FHIT: variants seen among roughly 807,000 people sequenced by gnomAD.
FHIT encodes the protein bis(5'-adenosyl)-triphosphatase.
In FHIT, 19 loss-of-function variants were observed where a neutral mutation model predicts 17.9. The observed-to-expected ratio is 1.06, with a 90% CI of 0.74 to 1.56. The LOEUF is 1.56. Ranked by LOEUF, FHIT falls within the 40% of genes most tolerant of loss-of-function variation. The pLI, the probability that FHIT is intolerant of heterozygous loss-of-function variation, is 0.00. For synonymous variants in FHIT, 81 were observed against 69.7 expected, an observed-to-expected ratio of 1.16 and a Z score of -0.81; for missense variants, 248 against 189.2, an observed-to-expected ratio of 1.31 and a Z score of -1.82.
chr3:59,898,442 TTGTGTGTGTGTG>T (rs3075168), intron 8 of FHIT, among the ~76,000 whole-genome samples: 16,322 of 145,914 alleles, frequency 0.11, 1,100 homozygotes, highest in African/African-American at 0.19. Flanking sequence ...GTGTGTATGT[TTGTGTGTGTGTG>T]TGTGTGTGTG....
Position 61,102,426 on chromosome 3 carries a change from C to T in FHIT, c.-163-60327G>A, listed in dbSNP as rs570921126. Among the ~76,000 whole-genome samples, 3 of 152,226 alleles carry T rather than the reference C, an allele frequency of 2.0e-5. No homozygotes were observed. The East Asian group carries it at 5.8e-4, about 29-fold the overall frequency. Reference sequence around the variant, plus strand: ...AGCCGACTTGATCATGGTGGATAGGCTTTTTGATGTGTTGATGGATTTGGT... The same window carrying T: ...AGCCGACTTGATCATGGTGGATAGGTTTTTTGATGTGTTGATGGATTTGGT... On this transcript the variant is annotated intron_variant, in intron 2 of 9. Coordinates refer to ENST00000492590, the MANE Select transcript of FHIT (RefSeq NM_002012.4).
At chr3:59,805,532 C>G (rs1274281922) in intron 8 of FHIT, among the ~76,000 whole-genome samples, 1 of 152,148 alleles carries the variant, frequency 6.6e-6, no homozygotes. Context: ...AGAGAAGAAT[C>G]TGAACAAAAC....
rs1575762730 is a variant in FHIT at position 60,963,497 on chromosome 3, G to C, written c.-111+78550C>G. ...CCTTTGAATGTGTTTGCTCTTGCTT[G>C]TCTAGTTCTTTTAATTGTGATGTTA... On this transcript the variant is annotated intron_variant, in intron 3 of 9. Coordinates refer to ENST00000492590, the MANE Select transcript of FHIT (RefSeq NM_002012.4). Among the ~76,000 whole-genome samples, 3 of 151,316 alleles carry C rather than the reference G, an allele frequency of 2.0e-5. No homozygotes were observed. In the South Asian group the frequency reaches 6.3e-4, roughly 32 times the overall value.
intron 2 of FHIT, among the ~76,000 whole-genome samples, chr3:61,109,545 C>A (rs1441507600): frequency 3.3e-5 from 5 of 152,108 alleles, no homozygotes; most frequent in Admixed American, 2.6e-4. Flanking sequence ...ACTGGACTCT[C>A]TCCCCTGTAT....
At chr3:59,758,886 C>T (rs1701356950) in intron 8 of FHIT, among the ~76,000 whole-genome samples, 1 of 151,970 alleles carries the variant, frequency 6.6e-6, no homozygotes, top group African/African-American at 2.4e-5. Context: ...GATGCATTGG[C>T]CTTTAATGCT....
At chr3:61,040,233 C>G (rs936351322) in intron 3 of FHIT, among the ~76,000 whole-genome samples, 5 of 152,218 alleles carry the variant, frequency 3.3e-5, no homozygotes, top group Non-Finnish European at 5.9e-5. Context: ...ACAATAAACA[C>G]ATACCAGCAT....
At chr3:60,368,681 C>T (rs898719701) in intron 5 of FHIT, among the ~76,000 whole-genome samples, 8 of 151,880 alleles carry the variant, frequency 5.3e-5, no homozygotes, top group Non-Finnish European at 1.0e-4. Context: ...TAATGAAGTT[C>T]AATTTATTAA....
At chr3:60,173,976 C>T (rs1262881873) in intron 5 of FHIT, among the ~76,000 whole-genome samples, 1 of 136,742 alleles carries the variant, frequency 7.3e-6, no homozygotes, top group Non-Finnish European at 1.5e-5. Flanking sequence ...TGCAGTGGCG[C>T]GATCTTGGTT....
intron 2 of FHIT, among the ~76,000 whole-genome samples, chr3:61,100,778 C>T (rs796639154): frequency 7.2e-5 from 11 of 152,222 alleles, no homozygotes; most frequent in African/African-American, 2.4e-4. Context: ...CGTATCTCAT[C>T]GTGGTTTTGA....
intron 5 of FHIT, among the ~76,000 whole-genome samples, chr3:60,118,289 T>G (rs1232134652): frequency 6.6e-6 from 1 of 151,530 alleles, no homozygotes; most frequent in African/African-American, 2.4e-5. Flanking sequence ...AATTTTTTTT[T>G]TTTTTTTGTA....
intron 3 of FHIT, among the ~76,000 whole-genome samples, chr3:60,937,171 A>G (rs538646140): frequency 6.6e-6 from 1 of 152,308 alleles, no homozygotes; most frequent in South Asian, 2.1e-4. Context: ...CTGAAAAGGG[A>G]AAATGTGCAA....
chr3:60,987,998 A>G (rs2029868953), intron 3 of FHIT, among the ~76,000 whole-genome samples: 1 of 152,198 alleles, frequency 6.6e-6, no homozygotes, highest in Admixed American at 6.5e-5. Flanking sequence ...GCTTATTCCC[A>G]GGATTAATTT....
chr3:59,965,557 TAACA>T (rs1404713986), intron 7 of FHIT, among the ~76,000 whole-genome samples: 2 of 152,150 alleles, frequency 1.3e-5, no homozygotes, highest in Non-Finnish European at 2.9e-5. Context: ...AGTTTTGTCT[TAACA>T]AATCCATGAG....
At chr3:60,373,237 T>C (rs916678916) in intron 5 of FHIT, among the ~76,000 whole-genome samples, 6 of 152,150 alleles carry the variant, frequency 3.9e-5, no homozygotes, top group Admixed American at 3.3e-4. Flanking sequence ...ATAGGGCTGA[T>C]ACAGCCCAGT....
At chr3:60,648,353 T>C (rs782178213) in intron 4 of FHIT, among the ~76,000 whole-genome samples, 3 of 152,202 alleles carry the variant, frequency 2.0e-5, no homozygotes, top group Non-Finnish European at 4.4e-5. Context: ...ATCCAACTTG[T>C]ATTTTTCTAA....
At chr3:61,214,549 T>C (rs1173757042) in intron 1 of FHIT, among the ~76,000 whole-genome samples, 5 of 152,052 alleles carry the variant, frequency 3.3e-5, no homozygotes, top group East Asian at 1.9e-4. Flanking sequence ...CAGGACCAGA[T>C]GGATTCACAG....
chr3:59,787,478 C>A (rs1051468257), intron 8 of FHIT, among the ~76,000 whole-genome samples: 4 of 111,358 alleles, frequency 3.6e-5, no homozygotes, highest in African/African-American at 7.3e-5. Flanking sequence ...GCACAAGGGG[C>A]AAAACACACA....
chr3:59,796,364 T>TTAAG (rs1699778555), intron 8 of FHIT, among the ~76,000 whole-genome samples: 1 of 152,072 alleles, frequency 6.6e-6, no homozygotes, highest in South Asian at 2.1e-4. Flanking sequence ...CCTTTCCTCT[T>TTAAG]TAAGGTCCTT....
chr3:61,181,123 C>T lies in FHIT; in HGVS notation c.-164+19494G>A, dbSNP rs2038327398. Among the ~76,000 whole-genome samples the T allele has an allele frequency of 2.0e-5, 3 of 152,204 alleles. No homozygotes were observed. The South Asian group carries it at 6.2e-4, about 32-fold the overall frequency. On this transcript the variant is annotated intron_variant, in intron 2 of 9. Transcript: ENST00000492590. ...AGCTTGACAAATCACATATTGGGGACATGAGAAGCCTAAATTATCTGAAGT... is the reference window on the plus strand; with the variant it reads ...AGCTTGACAAATCACATATTGGGGATATGAGAAGCCTAAATTATCTGAAGT...
Sources: allele counts gnomAD v4.1 joint callset (sites outside exome capture counted in the v4.1 genomes callset), GRCh38; gene constraint gnomAD v4.1.1; transcripts MANE v1.5; gene names NCBI Gene and HGNC (gene_info 2026-07-23, HGNC 2026-07-21).